SLC22A16: variants seen among roughly 807,000 people sequenced by gnomAD.
SLC22A16 encodes the protein WUGSC:RG331P03.1.
SLC22A16 carries 53 observed loss-of-function variants against 52.9 expected under a neutral mutation model. The ratio of observed to expected loss-of-function variants is 1.00; its 90% CI spans 0.80 to 1.26. The LOEUF is 1.26. Ranked by LOEUF, SLC22A16 falls within the 50% of genes most tolerant of loss-of-function variation. The pLI, the probability that SLC22A16 is intolerant of heterozygous loss-of-function variation, is 0.00. For missense variants in SLC22A16, 726 were observed against 704.0 expected (o/e 1.03, Z -0.35); for synonymous variants, 291 against 268.8 (o/e 1.08, Z -0.81).
At chr6:110,474,366 T>A (rs1776384938) in intron 1 of SLC22A16, among the ~76,000 whole-genome samples, 1 of 152,176 alleles carries the variant, frequency 6.6e-6, no homozygotes, top group African/African-American at 2.4e-5. Context: ...GACTAAATAA[T>A]CATCACAATA....
chr6:110,466,795 AATC>A (rs1776078888), intron 1 of SLC22A16, among the ~76,000 whole-genome samples: 1 of 152,194 alleles, frequency 6.6e-6, no homozygotes, highest in Admixed American at 6.5e-5. Context: ...AAGGAAAAGA[AATC>A]ATTATATCAA....
At chr6:110,463,796 A>T (rs1006008025) in intron 1 of SLC22A16, among the ~76,000 whole-genome samples, 1 of 152,034 alleles carries the variant, frequency 6.6e-6, no homozygotes, top group Non-Finnish European at 1.5e-5. Context: ...ATGGACTAAG[A>T]GACACCTACA....
chr6:110,449,274 T>C (rs973215191), intron 2 of SLC22A16, among the ~76,000 whole-genome samples: 5 of 151,906 alleles, frequency 3.3e-5, no homozygotes, highest in Non-Finnish European at 5.9e-5. Context: ...CTGGTTCTGC[T>C]TGTACCTCCC....
At chr6:110,475,470 A>T (rs1409216498) in intron 1 of SLC22A16, among the ~76,000 whole-genome samples, 1 of 152,242 alleles carries the variant, frequency 6.6e-6, no homozygotes, top group East Asian at 1.9e-4. Context: ...CAGAGGAAGA[A>T]GGGAACAGCT....
intron 4 of SLC22A16, among the ~76,000 whole-genome samples, chr6:110,441,912 G>A (rs56289437): frequency 0.065 from 9,910 of 152,150 alleles, 395 homozygotes; most frequent in Non-Finnish European, 0.091. Context: ...TACATTCTCA[G>A]GACCCTCAGT....
chr6:110,473,421 A>G (rs1158193203), intron 1 of SLC22A16, among the ~76,000 whole-genome samples: 3 of 138,926 alleles, frequency 2.2e-5, no homozygotes, highest in African/African-American at 2.7e-5. Flanking sequence ...TGTGAAGTTT[A>G]TGGAAACGAT....
At chr6:110,434,046 G>C (rs1774616015) in intron 6 of SLC22A16, among the ~76,000 whole-genome samples, 1 of 152,122 alleles carries the variant, frequency 6.6e-6, no homozygotes, top group Non-Finnish European at 1.5e-5. Flanking sequence ...TTTGAGACCA[G>C]CCTGGCCAAC....
At chr6:110,463,514 T>TAAAAA (rs386408237) in intron 1 of SLC22A16, among the ~76,000 whole-genome samples, 42 of 53,262 alleles carry the variant, frequency 7.9e-4, no homozygotes, top group Middle Eastern at 0.05. Flanking sequence ...GTAACAACAG[T>TAAAAA]AAAAAAAAAA....
intron 1 of SLC22A16, among the ~76,000 whole-genome samples, chr6:110,457,670 A>C (rs989298289): frequency 2.6e-5 from 4 of 152,252 alleles, no homozygotes; most frequent in Admixed American, 1.3e-4. Flanking sequence ...AAGAAAAACC[A>C]GGCCATACAG....
At chr6:110,440,923 T>G (rs1403320644) in intron 4 of SLC22A16, among the ~76,000 whole-genome samples, 1 of 152,178 alleles carries the variant, frequency 6.6e-6, no homozygotes, top group Non-Finnish European at 1.5e-5. Context: ...GAATAAGATA[T>G]CAGTTTGAAA....
chr6:110,468,186 T>C (rs1222526651), intron 1 of SLC22A16, among the ~76,000 whole-genome samples: 2 of 152,220 alleles, frequency 1.3e-5, no homozygotes, highest in Non-Finnish European at 2.9e-5. Flanking sequence ...GTAAGTAGTG[T>C]TCTTCTAGCT....
chr6:110,476,432 G>C (rs1404243774), intron 1 of SLC22A16, 90 bp downstream of exon 1: 11 of 1,401,178 alleles, frequency 7.9e-6, no homozygotes, highest in African/African-American at 1.5e-5. Context: ...TTCGGATCGC[G>C]AGCGCCGCGC....
intron 1 of SLC22A16, among the ~76,000 whole-genome samples, chr6:110,461,264 C>T (rs1223233686): frequency 6.6e-6 from 1 of 152,184 alleles, no homozygotes; most frequent in East Asian, 1.9e-4. Flanking sequence ...GTGGTAGCCA[C>T]AATCGAAGCC....
At chr6:110,472,313 A>G (rs545897521) in intron 1 of SLC22A16, among the ~76,000 whole-genome samples, 8 of 152,178 alleles carry the variant, frequency 5.3e-5, no homozygotes, top group Non-Finnish European at 8.8e-5. Context: ...CCCACTCTCC[A>G]GACCCTCTTT....
rs1230809305 is a variant in SLC22A16 at position 110,469,071 on chromosome 6, T to C, written c.53+7451A>G. 3.3e-5 allele frequency among the ~76,000 whole-genome samples: 5 copies of C among 152,316 alleles called. No homozygotes were observed. The East Asian group carries it at 9.7e-4, about 29-fold the overall frequency. On this transcript the variant is annotated intron_variant, in intron 1 of 7. Transcript: ENST00000368919. ...AAGAATGGCTCTCTTAAGAGACTCC[T>C]TGACCCTACAGTGCCATCCAGTCTG...
At chr6:110,429,361 C>A (rs1032872923) in intron 7 of SLC22A16, among the ~76,000 whole-genome samples, 11 of 152,198 alleles carry the variant, frequency 7.2e-5, no homozygotes, top group African/African-American at 2.7e-4. Context: ...GGGAGACACT[C>A]ATGCCAAGCC....
intron 7 of SLC22A16, 131 bp from the exon 8 acceptor site, chr6:110,425,216 C>CTCGGTGAGA: frequency 4.0e-6 from 6 of 1,518,760 alleles, no homozygotes; most frequent in Non-Finnish European, 5.3e-6. Flanking sequence ...ACTGTGATTA[C>CTCGGTGAGA]TCGGTGAGAT....
intron 4 of SLC22A16, among the ~76,000 whole-genome samples, chr6:110,440,777 C>CA (rs1359831367): frequency 8.9e-5 from 13 of 145,568 alleles, no homozygotes; most frequent in Admixed American, 1.4e-4. Context: ...ACTCCTTTTC[C>CA]AAAAAAAAAA....
rs755315070 is a variant in SLC22A16 at position 110,424,843 on chromosome 6, T to C, written c.*30A>G. 6.2e-7 allele frequency: 1 copy of C among 1,612,838 alleles called. No individual in the cohort carries two copies. ...ACAAAGGCATTAGGGTAAATAATATTTCAGGTGCTAGACAGCAGGCATGGC... is the reference window on the plus strand; with the variant it reads ...ACAAAGGCATTAGGGTAAATAATATCTCAGGTGCTAGACAGCAGGCATGGC... On this transcript the variant is annotated 3_prime_UTR_variant, in exon 8 of 8. Coordinates refer to ENST00000368919, the MANE Select transcript of SLC22A16 (RefSeq NM_033125.4).
Sources: allele counts gnomAD v4.1 joint callset (sites outside exome capture counted in the v4.1 genomes callset), GRCh38; gene constraint gnomAD v4.1.1; transcripts MANE v1.5; gene names NCBI Gene and HGNC (gene_info 2026-07-23, HGNC 2026-07-21).